Variants in SYN3 observed in about 807,000 individuals in gnomAD.
SYN3 encodes synapsin III.
A neutral mutation model predicts 65.8 loss-of-function variants in SYN3; 35 were observed. The ratio of observed to expected loss-of-function variants is 0.53; its 90% CI spans 0.41 to 0.70. The LOEUF (loss-of-function observed/expected upper bound fraction) is 0.70. Among genes scored for constraint, SYN3 ranks in the 30% least tolerant of loss-of-function variants. The pLI is 0.00. For missense variants in SYN3, 680 were observed against 749.0 expected (o/e 0.91, Z 1.08); for synonymous variants, 270 against 292.9 (o/e 0.92, Z 0.80).
intron 6 of SYN3, among the ~76,000 whole-genome samples, chr22:32,750,112 G>A (rs373247037): frequency 1.3e-5 from 2 of 152,158 alleles, no homozygotes; most frequent in African/African-American, 2.4e-5. Flanking sequence ...GAATAAGATC[G>A]ATGTGGTTGG....
chr22:32,521,080 C>T (rs1479273262), intron 12 of SYN3, among the ~76,000 whole-genome samples: 1 of 152,172 alleles, frequency 6.6e-6, no homozygotes, highest in Non-Finnish European at 1.5e-5. Context: ...TGGGAGGTCA[C>T]ATTTATCTCA....
At chr22:32,750,922 C>G (rs1052865033) in intron 6 of SYN3, among the ~76,000 whole-genome samples, 1 of 152,044 alleles carries the variant, frequency 6.6e-6, no homozygotes, top group Non-Finnish European at 1.5e-5. Flanking sequence ...AGTTCTGGAA[C>G]TGTGAGGGTG....
At chr22:33,046,704 G>A (rs780420833) in intron 1 of SYN3, among the ~76,000 whole-genome samples, 7 of 151,996 alleles carry the variant, frequency 4.6e-5, no homozygotes, top group Admixed American at 6.6e-5. Context: ...TTAGCTGGGT[G>A]TGGTGGCAGG....
At chr22:32,796,547 C>A (rs2046432444) in intron 6 of SYN3, among the ~76,000 whole-genome samples, 1 of 152,174 alleles carries the variant, frequency 6.6e-6, no homozygotes, top group Admixed American at 6.5e-5. Context: ...CAGAGAGATC[C>A]TGCAGTACCT....
At chr22:32,585,382 A>C (rs2059008496) in intron 7 of SYN3, among the ~76,000 whole-genome samples, 1 of 152,216 alleles carries the variant, frequency 6.6e-6, no homozygotes, top group African/African-American at 2.4e-5. Context: ...TCTTTTGCTT[A>C]TCTCCCCATC....
intron 1 of SYN3, among the ~76,000 whole-genome samples, chr22:33,007,668 C>T (rs760225966): frequency 3.4e-4 from 51 of 152,184 alleles, no homozygotes; most frequent in Non-Finnish European, 5.7e-4. Context: ...GAGCCCTCAC[C>T]AGAACCAGGC....
At chr22:32,755,857 G>A (rs1373537128) in intron 6 of SYN3, among the ~76,000 whole-genome samples, 4 of 152,054 alleles carry the variant, frequency 2.6e-5, no homozygotes, top group South Asian at 2.1e-4. Context: ...AAGTTAAAAC[G>A]TGGCCCATAT....
intron 7 of SYN3, among the ~76,000 whole-genome samples, chr22:32,595,769 G>A (rs1300099360): frequency 6.6e-6 from 1 of 152,130 alleles, no homozygotes; most frequent in Non-Finnish European, 1.5e-5. Context: ...CACGAGATCT[G>A]GTTGTTTAAA....
chr22:32,600,614 G>A (rs1266043652), intron 6 of SYN3, among the ~76,000 whole-genome samples: 2 of 152,158 alleles, frequency 1.3e-5, no homozygotes, highest in Non-Finnish European at 2.9e-5. Context: ...CTTCCCGTGG[G>A]GCATGTTTAG....
chr22:32,840,240 C>T (rs935644574), intron 6 of SYN3, among the ~76,000 whole-genome samples: 3 of 152,148 alleles, frequency 2.0e-5, no homozygotes, highest in Non-Finnish European at 4.4e-5. Flanking sequence ...GCCAAAAAAA[C>T]CTGCTTAAAT....
intron 3 of SYN3, among the ~76,000 whole-genome samples, chr22:32,967,981 G>C (rs1365086588): frequency 6.6e-6 from 1 of 152,226 alleles, no homozygotes; most frequent in Non-Finnish European, 1.5e-5. Context: ...ACAGATGAAG[G>C]AATCACAAGG....
intron 1 of SYN3, among the ~76,000 whole-genome samples, chr22:33,028,691 A>ATGGTGG (rs1170552905): frequency 2.4e-3 from 103 of 43,128 alleles, no homozygotes; most frequent in East Asian, 3.9e-3. Flanking sequence ...GGTGGTGGTG[A>ATGGTGG]TGGTGGTGGT....
intron 4 of SYN3, among the ~76,000 whole-genome samples, chr22:32,881,897 A>G (rs2049150173): frequency 2.0e-5 from 3 of 152,054 alleles, no homozygotes; most frequent in Non-Finnish European, 1.5e-5. Context: ...CTCTACTAAA[A>G]ATACAAAAAT....
intron 6 of SYN3, among the ~76,000 whole-genome samples, chr22:32,664,692 G>A (rs1407054171): frequency 1.4e-5 from 2 of 145,614 alleles, no homozygotes; most frequent in South Asian, 2.2e-4. Context: ...CTGGGTTCAT[G>A]CCATTCTCCT....
intron 7 of SYN3, among the ~76,000 whole-genome samples, chr22:32,569,590 A>ATATATATATATAT (rs1569048509): frequency 1.5e-4 from 14 of 92,574 alleles, no homozygotes; most frequent in African/African-American, 4.6e-4. Flanking sequence ...TATATATATA[A>ATATATATATATAT]AATCTATCTA....
At chr22:32,987,492 C>T (rs564203770) in intron 2 of SYN3, among the ~76,000 whole-genome samples, 106 of 152,272 alleles carry the variant, frequency 7.0e-4, no homozygotes, top group African/African-American at 2.4e-3. Context: ...AGGGAGGAAC[C>T]GCCCCCTCAA....
chr22:32,951,246 A>G (rs2051281100), intron 3 of SYN3, among the ~76,000 whole-genome samples: 3 of 151,780 alleles, frequency 2.0e-5, no homozygotes, highest in African/African-American at 7.3e-5. Context: ...CACACCAAGC[A>G]AGCTCCAGCC....
At chr22:32,619,330 T>TTCA (rs1367210576) in intron 6 of SYN3, among the ~76,000 whole-genome samples, 2 of 152,210 alleles carry the variant, frequency 1.3e-5, no homozygotes, top group Non-Finnish European at 2.9e-5. Context: ...TCCTATAAAG[T>TTCA]TCATAGCCTG....
intron 2 of SYN3, among the ~76,000 whole-genome samples, chr22:32,993,896 C>T (rs1015144184): frequency 6.6e-6 from 1 of 152,106 alleles, no homozygotes; most frequent in Non-Finnish European, 1.5e-5. Flanking sequence ...GAAACAGCAC[C>T]CATCAGATTT....
Sources: allele counts gnomAD v4.1 joint callset (sites outside exome capture counted in the v4.1 genomes callset), GRCh38; gene constraint gnomAD v4.1.1; transcripts MANE v1.5; gene names NCBI Gene and HGNC (gene_info 2026-07-23, HGNC 2026-07-21).